Variants in PTPRB observed in about 807,000 individuals in gnomAD.
PTPRB encodes the protein receptor-type tyrosine-protein phosphatase beta.
In PTPRB, 97 loss-of-function variants were observed where a neutral mutation model predicts 238.1. The observed-to-expected ratio is 0.41, with a 90% CI of 0.35 to 0.48. PTPRB has a LOEUF of 0.48. PTPRB is among the 20% of genes least tolerant of loss of function. PTPRB has a pLI of 0.30. For missense variants in PTPRB, 2,292 were observed against 2,681.9 expected (o/e 0.85, Z 3.21); for synonymous variants, 970 against 995.4 (o/e 0.97, Z 0.48).
At chr12:70,596,399 A>T in intron 4 of PTPRB, 72 bp from the exon 5 acceptor site, 1 of 1,295,776 alleles carries the variant, frequency 7.7e-7, no homozygotes, top group Non-Finnish European at 9.8e-7. Context: ...ACATGGCTTG[A>T]AGACTTTTGC....
Position 70,555,999 on chromosome 12 carries a change from C to T in PTPRB, c.4864G>A (p.Glu1622Lys), listed in dbSNP as rs1270465737. 2 of 1,613,944 alleles carry T rather than the reference C, an allele frequency of 1.2e-6. No homozygotes were observed. The highest frequency in any genetic ancestry group is 8.5e-7 in the Non-Finnish European group (1 of 1,179,882). Residue 1622 changes from glutamate (E) to lysine (K), a missense_variant, in exon 19 of 34, where the codon GAG becomes AAG. Glu to Lys is a moderately conservative substitution (Grantham distance 56). Coordinates refer to ENST00000334414, the MANE Select transcript of PTPRB (RefSeq NM_001109754.4). ...TQEVEFSRKL[E>K]KEKSLLNIMM... ...ATGTTGAGCAGAGATTTTTCTTTCTCCAGCTTTCTGGAAAACTCAACTTCT... is the reference window on the plus strand; with the variant it reads ...ATGTTGAGCAGAGATTTTTCTTTCTTCAGCTTTCTGGAAAACTCAACTTCT...
intron 21 of PTPRB, among the ~76,000 whole-genome samples, chr12:70,551,732 T>C (rs1358343279): frequency 6.6e-6 from 1 of 152,168 alleles, no homozygotes; most frequent in Non-Finnish European, 1.5e-5. Context: ...AGTAATAATG[T>C]TGGATGTCAG....
chr12:70,559,185 A>T, intron 18 of PTPRB, 158 bp downstream of exon 18: 1 of 772,016 alleles, frequency 1.3e-6, no homozygotes, highest in Non-Finnish European at 2.1e-6. Context: ...GTTAATGTTG[A>T]ATGAACGAAC....
intron 11 of PTPRB, among the ~76,000 whole-genome samples, chr12:70,574,590 T>G (rs1310411128): frequency 6.6e-6 from 1 of 152,228 alleles, no homozygotes; most frequent in African/African-American, 2.4e-5. Flanking sequence ...GGGTAATTTG[T>G]GGAGACCTGC....
intron 29 of PTPRB, among the ~76,000 whole-genome samples, chr12:70,535,561 C>T (rs1445679965): frequency 2.0e-5 from 3 of 152,120 alleles, no homozygotes; most frequent in African/African-American, 7.2e-5. Context: ...TTTTAATCCT[C>T]AAAATAACCA....
At position 70,634,735 on chromosome 12, in the gene PTPRB, A is replaced by G. The variant is rs530493529; in HGVS notation, c.451+936T>C. On this transcript the variant is annotated intron_variant, in intron 2 of 33. Transcript: ENST00000334414. ...GAGTCAAAAAACTTAGGCTCTAATC[A>G]TAGATCTGCTGCTAATTTATCTGGG... Among the ~76,000 whole-genome samples the G allele has an allele frequency of 3.3e-5, 5 of 152,352 alleles. No individual in the cohort carries two copies. In the South Asian group the frequency reaches 8.3e-4, roughly 25 times the overall value.
chr12:70,612,917 G>A (rs377470091), intron 3 of PTPRB, among the ~76,000 whole-genome samples: 1 of 152,228 alleles, frequency 6.6e-6, no homozygotes, highest in Admixed American at 6.5e-5. Flanking sequence ...ACCCCAGGAC[G>A]CAGAGGTTGC....
intron 20 of PTPRB, among the ~76,000 whole-genome samples, chr12:70,554,537 T>C (rs1182861828): frequency 6.6e-6 from 1 of 152,250 alleles, no homozygotes; most frequent in Non-Finnish European, 1.5e-5. Flanking sequence ...TTGTGATAAC[T>C]ATTCCCTAGA....
chr12:70,617,413 G>C (rs1366712673), intron 3 of PTPRB, among the ~76,000 whole-genome samples: 3 of 152,168 alleles, frequency 2.0e-5, no homozygotes, highest in Non-Finnish European at 4.4e-5. Context: ...CAGTCTCAGA[G>C]TCTGTTTATA....
chr12:70,529,956 G>GA (rs1301509339), intron 32 of PTPRB, among the ~76,000 whole-genome samples: 1 of 109,398 alleles, frequency 9.1e-6, no homozygotes, highest in Non-Finnish European at 2.4e-5. Flanking sequence ...GGGAGTAGAG[G>GA]AAAAATCCAT....
chr12:70,538,125 C>A, intron 28 of PTPRB, 30 bp downstream of exon 28: 1 of 1,587,884 alleles, frequency 6.3e-7, no homozygotes, highest in South Asian at 1.1e-5. Flanking sequence ...AAGCCTCATC[C>A]TGAACACTAT....
chr12:70,609,368 A>G (rs1555237443), intron 3 of PTPRB, 29 bp from the exon 4 acceptor site: 4 of 1,606,902 alleles, frequency 2.5e-6, no homozygotes, highest in Non-Finnish European at 3.4e-6. Flanking sequence ...CAACAGTTTA[A>G]GTCCACAGTC....
Position 70,625,938 on chromosome 12 carries a change from T to C in PTPRB, c.452-3292A>G, listed in dbSNP as rs1255188996. On this transcript the variant is annotated intron_variant, in intron 2 of 33. Coordinates refer to ENST00000334414, the MANE Select transcript of PTPRB (RefSeq NM_001109754.4). ...TATCACCTTACAAAGTGATTTGTAA[T>C]GACTGCATAATATCAAGACTATCTT... Among the ~76,000 whole-genome samples, 38 of 152,166 alleles carry C rather than the reference T, an allele frequency of 2.5e-4. 1 individual carries two copies. The highest frequency in any genetic ancestry group is 2.5e-3 in the Admixed American group (38 of 15,268).
chr12:70,599,773 A>G (rs1883321863), intron 4 of PTPRB, among the ~76,000 whole-genome samples: 1 of 152,160 alleles, frequency 6.6e-6, no homozygotes, highest in African/African-American at 2.4e-5. Flanking sequence ...AAATTCCTGA[A>G]CCAAAATGAA....
intron 32 of PTPRB, among the ~76,000 whole-genome samples, chr12:70,527,488 C>A (rs1872597876): frequency 6.7e-6 from 1 of 148,484 alleles, no homozygotes; most frequent in Non-Finnish European, 1.5e-5. Context: ...AGTCCTACAA[C>A]ATCTCAGTGT....
At chr12:70,614,319 A>G (rs558434433) in intron 3 of PTPRB, among the ~76,000 whole-genome samples, 12 of 152,346 alleles carry the variant, frequency 7.9e-5, no homozygotes, top group Middle Eastern at 3.4e-3. Context: ...AGGAGAGTTA[A>G]TGAGATCTTG....
At chr12:70,567,974 G>A (rs1565953911) in intron 14 of PTPRB, among the ~76,000 whole-genome samples, 1 of 152,094 alleles carries the variant, frequency 6.6e-6, no homozygotes, top group Non-Finnish European at 1.5e-5. Flanking sequence ...ACAGGCATGA[G>A]CCACCGTGCC....
rs1450594211 is a variant in PTPRB at position 70,626,285 on chromosome 12, GTCTATCCATCCA to G, written c.452-3651_452-3640del. 2.1e-4 allele frequency among the ~76,000 whole-genome samples: 30 copies of G among 142,682 alleles called. 1 individual carries two copies. Among genetic ancestry groups the G allele is most frequent in the African/African-American group, 7.5e-4 (29 of 38,518 alleles). 93.6% of individuals were successfully genotyped at this position (142,682 alleles called of 152,430 possible). ...AGGAGATACTTTAGAAAAGGATGAT[GTCTATCCATCCA>G]TCTATCTATCTATCTATCTATCTAT... On this transcript the variant is annotated intron_variant, in intron 2 of 33. Coordinates refer to ENST00000334414, the MANE Select transcript of PTPRB (RefSeq NM_001109754.4).
chr12:70,607,216 C>T (rs551469389), intron 4 of PTPRB, among the ~76,000 whole-genome samples: 90 of 152,308 alleles, frequency 5.9e-4, no homozygotes, highest in African/African-American at 1.9e-3. Flanking sequence ...GTTTAAACAA[C>T]CATATTCTGG....
Sources: allele counts gnomAD v4.1 joint callset (sites outside exome capture counted in the v4.1 genomes callset), GRCh38; gene constraint gnomAD v4.1.1; transcripts MANE v1.5; gene names NCBI Gene and HGNC (gene_info 2026-07-23, HGNC 2026-07-21).